The following PAPPA2 variants were observed in gnomAD, a reference collection of about 807,000 sequenced individuals.
PAPPA2 encodes the protein pappalysin-2.
A neutral mutation model predicts 176.4 loss-of-function variants in PAPPA2; 86 were observed. The observed-to-expected ratio is 0.49, with a 90% CI of 0.41 to 0.58. The LOEUF is 0.58. Among genes scored for constraint, PAPPA2 ranks in the 20% least tolerant of loss-of-function variants. The pLI, the probability that PAPPA2 is intolerant of heterozygous loss-of-function variation, is 0.00. For synonymous variants in PAPPA2, 809 were observed against 852.2 expected (o/e 0.95, Z 0.88); for missense variants, 2,073 against 2,256.9 (o/e 0.92, Z 1.65).
At chr1:176,499,019 C>T (rs1296939160) in intron 1 of PAPPA2, among the ~76,000 whole-genome samples, 3 of 151,454 alleles carry the variant, frequency 2.0e-5, no homozygotes, top group Non-Finnish European at 2.9e-5. Context: ...ATTAATTTAC[C>T]TTGCTTTTCT....
intron 14 of PAPPA2, among the ~76,000 whole-genome samples, chr1:176,749,299 C>A (rs192437939): frequency 6.6e-6 from 1 of 152,174 alleles, no homozygotes; most frequent in Non-Finnish European, 1.5e-5. Flanking sequence ...TCTTTTAGAG[C>A]AGTTGTAGGT....
In PAPPA2 at chr1:176,556,865, C is replaced by T. The variant is rs36123756; in HGVS notation, c.543C>T (p.Asn181=). The T allele has an allele frequency of 6.6e-4, 1,073 of 1,614,120 alleles. 3 individuals carry two copies. The African/African-American group carries it at 0.012, about 18-fold the overall frequency. ...CCACCGCCATTTTCACAACCCTGAA[C>T]GAACCCAAACCAGAGACCCAAAGGA... ...TTTTAIFTTL[N]EPKPETQRRG... is the part of the protein sequence containing the mutation. The change falls in exon 2 of 23, where the codon AAC becomes AAT. Residue 181 remains asparagine (N), a synonymous_variant. Transcript: ENST00000367662.
At chr1:176,645,102 A>G (rs1414881348) in intron 3 of PAPPA2, among the ~76,000 whole-genome samples, 2 of 151,822 alleles carry the variant, frequency 1.3e-5, no homozygotes, top group Non-Finnish European at 2.9e-5. Context: ...AAACATTTGA[A>G]TTATTCTTTT....
chr1:176,760,380 A>C (rs1663643899), intron 14 of PAPPA2, among the ~76,000 whole-genome samples: 1 of 152,208 alleles, frequency 6.6e-6, no homozygotes, highest in South Asian at 2.1e-4. Flanking sequence ...CTTGGCCTAT[A>C]GAATTTATTG....
At chr1:176,488,569 GGATGATAA>G (rs1652750782) in intron 1 of PAPPA2, among the ~76,000 whole-genome samples, 1 of 152,022 alleles carries the variant, frequency 6.6e-6, no homozygotes, top group African/African-American at 2.4e-5. Flanking sequence ...CTAATAATTG[GGATGATAA>G]GATTATCTAC....
intron 21 of PAPPA2, among the ~76,000 whole-genome samples, chr1:176,837,452 T>C (rs986265612): frequency 6.4e-5 from 9 of 140,438 alleles, no homozygotes; most frequent in Non-Finnish European, 7.5e-5. Flanking sequence ...TGTTAATGAC[T>C]TTGGGTTCTA....
intron 3 of PAPPA2, among the ~76,000 whole-genome samples, chr1:176,622,773 A>G (rs1655667652): frequency 6.6e-6 from 1 of 152,192 alleles, no homozygotes; most frequent in Non-Finnish European, 1.5e-5. Context: ...AGAAATAAAA[A>G]TGGGATAAAA....
At chr1:176,696,374 G>T (rs1328527191) in intron 7 of PAPPA2, among the ~76,000 whole-genome samples, 1 of 151,968 alleles carries the variant, frequency 6.6e-6, no homozygotes, top group African/African-American at 2.4e-5. Context: ...GGGGTGGGGA[G>T]ACCAGGTGTT....
At chr1:176,518,607 G>C (rs568673228) in intron 1 of PAPPA2, among the ~76,000 whole-genome samples, 2 of 152,296 alleles carry the variant, frequency 1.3e-5, no homozygotes, top group East Asian at 1.9e-4. Flanking sequence ...ATCCAATCAA[G>C]GGTCCTTATT....
At chr1:176,715,301 T>A (rs531190870) in intron 12 of PAPPA2, among the ~76,000 whole-genome samples, 1 of 152,238 alleles carries the variant, frequency 6.6e-6, no homozygotes, top group South Asian at 2.1e-4. Flanking sequence ...GTTCGAAAAA[T>A]CTGTTTATAG....
At chr1:176,572,874 T>C (rs1161657212) in intron 2 of PAPPA2, among the ~76,000 whole-genome samples, 1 of 152,216 alleles carries the variant, frequency 6.6e-6, no homozygotes, top group African/African-American at 2.4e-5. Context: ...CCTGGATCAC[T>C]GAGAATATAT....
intron 1 of PAPPA2, among the ~76,000 whole-genome samples, chr1:176,467,951 G>A (rs1056115155): frequency 6.6e-5 from 10 of 152,174 alleles, no homozygotes; most frequent in African/African-American, 2.4e-4. Context: ...GCATTTGTGT[G>A]CAGAAACCTA....
intron 14 of PAPPA2, among the ~76,000 whole-genome samples, chr1:176,757,818 AG>A (rs748678298): frequency 3.3e-5 from 5 of 152,184 alleles, no homozygotes; most frequent in Non-Finnish European, 7.4e-5. Context: ...GTTTTCTTCT[AG>A]GGTTTTTATG....
intron 1 of PAPPA2, among the ~76,000 whole-genome samples, chr1:176,526,296 C>A (rs930535443): frequency 1.3e-5 from 2 of 152,192 alleles, no homozygotes; most frequent in Non-Finnish European, 2.9e-5. Context: ...TTTCTCATGA[C>A]CACACAGCTA....
At chr1:176,565,703 T>C (rs959514547) in intron 2 of PAPPA2, among the ~76,000 whole-genome samples, 1 of 152,130 alleles carries the variant, frequency 6.6e-6, no homozygotes, top group Non-Finnish European at 1.5e-5. Flanking sequence ...CTCAATAAAA[T>C]AAAATGGGCT....
intron 1 of PAPPA2, among the ~76,000 whole-genome samples, chr1:176,543,895 C>T (rs1273348440): frequency 1.3e-5 from 2 of 152,182 alleles, no homozygotes; most frequent in Non-Finnish European, 2.9e-5. Context: ...TACTTACTAG[C>T]TGAAGGCAGT....
At chr1:176,561,374 T>C (rs895846968) in intron 2 of PAPPA2, among the ~76,000 whole-genome samples, 1 of 152,110 alleles carries the variant, frequency 6.6e-6, no homozygotes, top group Non-Finnish European at 1.5e-5. Context: ...GAGCTAACAG[T>C]GGGAGGCAAT....
Position 176,770,962 on chromosome 1 carries a change from G to A in PAPPA2, c.4502-5G>A, listed in dbSNP as rs1304581829. ...GCATCTTGTGCTTCTCTTTCCTGGA[G>A]TCAGGACTGAGCCCATGGCTGACAT... On this transcript the variant is annotated splice_region_variant and splice_polypyrimidine_tract_variant and intron_variant, in intron 16 of 22. Transcript: ENST00000367662. 1.2e-6 allele frequency: 2 copies of A among 1,613,452 alleles called. No homozygotes were observed. The highest frequency in any genetic ancestry group is 4.5e-5 in the East Asian group (2 of 44,874).
intron 1 of PAPPA2, among the ~76,000 whole-genome samples, chr1:176,524,955 T>C (rs1040831461): frequency 6.6e-6 from 1 of 152,040 alleles, no homozygotes; most frequent in African/African-American, 2.4e-5. Flanking sequence ...GACAGGAGAA[T>C]AGCGTGAATC....
Sources: gnomAD v4.1 joint callset for allele counts (sites outside exome capture counted in the v4.1 genomes callset) on GRCh38, gnomAD v4.1.1 for gene constraint, MANE v1.5 for transcripts, NCBI Gene and HGNC (gene_info 2026-07-23, HGNC 2026-07-21) for gene names.